Variants in KCND3 observed in about 807,000 individuals in gnomAD.
KCND3 encodes the protein potassium voltage-gated channel subfamily D member 3.
A neutral mutation model predicts 51.1 loss-of-function variants in KCND3; 9 were observed. That is an observed-to-expected ratio of 0.18 (90% CI 0.11 to 0.31). The LOEUF (loss-of-function observed/expected upper bound fraction) is 0.31, where lower values mean the gene tolerates loss of function less well. Among genes scored for constraint, KCND3 ranks in the 10% least tolerant of loss-of-function variants. KCND3 has a pLI of 1.00. For synonymous variants in KCND3, 349 were observed against 368.0 expected (o/e 0.95, Z 0.59); for missense variants, 526 against 903.8 (o/e 0.58, Z 5.36).
intron 2 of KCND3, among the ~76,000 whole-genome samples, chr1:111,815,082 G>A (rs555868769): frequency 1.3e-5 from 2 of 152,338 alleles, no homozygotes; most frequent in East Asian, 3.9e-4. Context: ...TGGCAGAGGA[G>A]GCCGATGAGG....
chr1:111,782,855 A>G (rs920780718), intron 3 of KCND3, among the ~76,000 whole-genome samples: 2 of 152,170 alleles, frequency 1.3e-5, no homozygotes, highest in African/African-American at 4.8e-5. Context: ...ACACAGGACA[A>G]AGAGGTTTGC....
rs139715060 is a variant in KCND3 at position 111,951,736 on chromosome 1, C to T, written c.1106+29885G>A. Among the ~76,000 whole-genome samples, 599 of 152,222 alleles carry T rather than the reference C, an allele frequency of 3.9e-3. 2 individuals carry two copies. Among genetic ancestry groups the T allele is most frequent in the Middle Eastern group, 0.014 (4 of 294 alleles). ...CAAAATCATGCCAGGAAGGAATAAG[C>T]GCTAAGAAGAAGCTGGGTTGGAGTT... is the stretch of plus-strand genomic sequence containing the variant. On this transcript the variant is annotated intron_variant, in intron 2 of 7. Coordinates refer to ENST00000302127, the MANE Select transcript of KCND3 (RefSeq NM_001378969.1).
chr1:111,842,293 G>A (rs2101644138), intron 2 of KCND3, among the ~76,000 whole-genome samples: 2 of 152,296 alleles, frequency 1.3e-5, no homozygotes, highest in East Asian at 3.9e-4. Context: ...ACCCTGAGCG[G>A]GCCATGCTGC....
chr1:111,786,855 A>G, intron 3 of KCND3, 89 bp downstream of exon 3: 1 of 1,501,016 alleles, frequency 6.7e-7, no homozygotes. Flanking sequence ...CTGTGCAGTG[A>G]TCCTGTGAGG....
At chr1:111,785,382 G>A (rs1664561013) in intron 3 of KCND3, among the ~76,000 whole-genome samples, 1 of 152,172 alleles carries the variant, frequency 6.6e-6, no homozygotes, top group South Asian at 2.1e-4. Context: ...CCATTTCTGG[G>A]ATGACTGTCA....
chr1:111,784,222 T>G (rs568397902), intron 3 of KCND3, among the ~76,000 whole-genome samples: 1 of 152,116 alleles, frequency 6.6e-6, no homozygotes, highest in East Asian at 1.9e-4. Context: ...TGATATATAG[T>G]ACTATTGTTT....
At chr1:111,848,058 C>T (rs574219539) in intron 2 of KCND3, among the ~76,000 whole-genome samples, 1 of 152,228 alleles carries the variant, frequency 6.6e-6, no homozygotes, top group Non-Finnish European at 1.5e-5. Context: ...TGAGACATTG[C>T]CTGTGTTTCA....
At position 111,982,202 on chromosome 1, in the gene KCND3, G is replaced by C. The variant is rs1674988124; in HGVS notation, c.525C>G (p.Asn175Lys). 1.9e-6 allele frequency: 3 copies of C among 1,613,942 alleles called. No homozygotes were observed. Among genetic ancestry groups the C allele is most frequent in the Non-Finnish European group, 2.5e-6 (3 of 1,180,006 alleles). The part of the protein sequence containing the change: ...FRQTMWRAFE[N>K]PHTSTLALVF... Reference sequence around the variant, plus strand: ...CCAGGGCCAGCGTGCTGGTGTGGGGGTTCTCGAAGGCCCGCCACATGGTCT... The same window carrying C: ...CCAGGGCCAGCGTGCTGGTGTGGGGCTTCTCGAAGGCCCGCCACATGGTCT... Residue 175 changes from asparagine to lysine, a missense_variant, in exon 2 of 8, where the codon AAC (asparagine) becomes AAG (lysine). Coordinates refer to ENST00000302127, the MANE Select transcript of KCND3 (RefSeq NM_001378969.1). The surrounding 1 kb of genome is among the most constrained non-coding windows in gnomAD (Gnocchi z 8.5).
chr1:111,907,818 G>A (rs1263298737), intron 2 of KCND3, among the ~76,000 whole-genome samples: 1 of 152,238 alleles, frequency 6.6e-6, no homozygotes, highest in Non-Finnish European at 1.5e-5. Context: ...TCTGTGCTAG[G>A]AAGCAGAGCC....
At chr1:111,790,258 TA>T (rs1328999697) in intron 2 of KCND3, among the ~76,000 whole-genome samples, 2 of 152,214 alleles carry the variant, frequency 1.3e-5, no homozygotes, top group Non-Finnish European at 1.5e-5. Flanking sequence ...CTATCACTTA[TA>T]AAATGGGTTT....
At chr1:111,891,734 A>G (rs1237622489) in intron 2 of KCND3, among the ~76,000 whole-genome samples, 1 of 152,196 alleles carries the variant, frequency 6.6e-6, no homozygotes, top group African/African-American at 2.4e-5. Context: ...TGCCTTGTTG[A>G]CAGTTGTATC....
chr1:111,834,562 A>G (rs1489066385), intron 2 of KCND3, among the ~76,000 whole-genome samples: 1 of 152,200 alleles, frequency 6.6e-6, no homozygotes, highest in African/African-American at 2.4e-5. Context: ...CTTTCATTCA[A>G]AGTGGAACTC....
At chr1:111,894,980 A>C (rs1286923588) in intron 2 of KCND3, among the ~76,000 whole-genome samples, 2 of 149,024 alleles carry the variant, frequency 1.3e-5, no homozygotes, top group Admixed American at 6.7e-5. Flanking sequence ...AGGGGAAAAG[A>C]GGGAAGGGAG....
At chr1:111,885,213 A>G (rs1245882040) in intron 2 of KCND3, among the ~76,000 whole-genome samples, 1 of 152,246 alleles carries the variant, frequency 6.6e-6, no homozygotes, top group Non-Finnish European at 1.5e-5. Flanking sequence ...TAGTTGTCCC[A>G]GTAACCAGCA....
At chr1:111,929,452 C>T (rs923187569) in intron 2 of KCND3, among the ~76,000 whole-genome samples, 2 of 152,194 alleles carry the variant, frequency 1.3e-5, no homozygotes, top group Admixed American at 1.3e-4. Context: ...TCATCAGTGG[C>T]ACTATCGAGT....
At chr1:111,918,200 T>G (rs1000915264) in intron 2 of KCND3, among the ~76,000 whole-genome samples, 1 of 152,312 alleles carries the variant, frequency 6.6e-6, no homozygotes, top group South Asian at 2.1e-4. Context: ...AGAAAACCAC[T>G]TTGTAAACTG....
At chr1:111,787,208 C>CA (rs1664641049) in intron 2 of KCND3, 102 bp from the exon 3 acceptor site, 15 of 1,240,416 alleles carry the variant, frequency 1.2e-5, no homozygotes, top group Non-Finnish European at 1.8e-5. Context: ...TTCATTCATT[C>CA]AGCAATTGCT....
chr1:111,874,728 CT>C (rs1439120704), intron 2 of KCND3, among the ~76,000 whole-genome samples: 11 of 152,196 alleles, frequency 7.2e-5, no homozygotes, highest in African/African-American at 2.2e-4. Flanking sequence ...AACCAACCCC[CT>C]ATCCCCCAAC....
At chr1:111,846,678 A>T (rs146117219) in intron 2 of KCND3, among the ~76,000 whole-genome samples, 4 of 152,344 alleles carry the variant, frequency 2.6e-5, no homozygotes, top group East Asian at 1.9e-4. Context: ...CATAGTCAGC[A>T]TCTACTGAGC....
Sources: allele counts gnomAD v4.1 joint callset (sites outside exome capture counted in the v4.1 genomes callset), GRCh38; gene constraint gnomAD v4.1.1; non-coding constraint Gnocchi (gnomAD v3.1); transcripts MANE v1.5; gene names NCBI Gene and HGNC (gene_info 2026-07-23, HGNC 2026-07-21).